UBAC1: variants seen among roughly 807,000 people sequenced by gnomAD.
The protein encoded by UBAC1 is ubiquitin-associated domain-containing protein 1.
UBAC1 carries 27 observed loss-of-function variants against 45.9 expected under a neutral mutation model. The observed-to-expected ratio is 0.59, with a 90% confidence interval of 0.43 to 0.81. The LOEUF (loss-of-function observed/expected upper bound fraction) is 0.81. Ranked by LOEUF, UBAC1 falls within the 30% of genes least tolerant of loss-of-function variation. The pLI is 0.00. For synonymous variants in UBAC1, 227 were observed against 215.5 expected (o/e 1.05, Z -0.47); for missense variants, 529 against 539.2 (o/e 0.98, Z 0.19).
At chr9:135,947,500 G>A (rs141238198) in intron 4 of UBAC1, 221 of 302,368 alleles carry the variant, frequency 7.3e-4, no homozygotes, top group Admixed American at 3.9e-3. Context: ...TGATCCACCC[G>A]CTTCGGGTTC....
chr9:135,949,877 C>T (rs774357275), intron 3 of UBAC1, among the ~76,000 whole-genome samples: 8 of 152,238 alleles, frequency 5.3e-5, no homozygotes, highest in Non-Finnish European at 1.2e-4. Flanking sequence ...ACTAATCAGG[C>T]AGGTCCTTAA....
At chr9:135,944,048 G>A (rs1001058727) in intron 7 of UBAC1, among the ~76,000 whole-genome samples, 1 of 152,180 alleles carries the variant, frequency 6.6e-6, no homozygotes, top group African/African-American at 2.4e-5. Context: ...GGGCTGACAC[G>A]TGCAGCAAAC....
intron 7 of UBAC1, 100 bp from the exon 8 acceptor site, chr9:135,939,859 G>T: frequency 2.0e-6 from 2 of 987,520 alleles, no homozygotes; most frequent in East Asian, 2.4e-5. Context: ...CCTAGCGGAG[G>T]GTGCTCCCAA....
intron 9 of UBAC1, among the ~76,000 whole-genome samples, chr9:135,937,472 C>T (rs1221316703): frequency 6.8e-6 from 1 of 146,964 alleles, no homozygotes; most frequent in Non-Finnish European, 1.5e-5. Context: ...TCAGGAGTGG[C>T]ACCACATGTA....
chr9:135,953,067 C>G (rs558475268), intron 3 of UBAC1, among the ~76,000 whole-genome samples: 1 of 152,096 alleles, frequency 6.6e-6, no homozygotes, highest in Non-Finnish European at 1.5e-5. Flanking sequence ...CAGGTGAAGG[C>G]GGACAGCAGC....
At chr9:135,939,626 A>T in intron 8 of UBAC1, 47 bp downstream of exon 8, 1 of 1,558,930 alleles carries the variant, frequency 6.4e-7, no homozygotes, top group East Asian at 2.3e-5. Flanking sequence ...CACAGCCCAC[A>T]CTCACTCACC....
chr9:135,956,651 C>G (rs1221485356), intron 1 of UBAC1, among the ~76,000 whole-genome samples: 1 of 152,128 alleles, frequency 6.6e-6, no homozygotes, highest in Non-Finnish European at 1.5e-5. Flanking sequence ...CCCACCTAAC[C>G]AAATATGGCG....
At position 135,933,242 on chromosome 9, in the gene UBAC1, T is replaced by C; in HGVS notation, c.*158A>G. ...CTTACACACTACCGTCACCAAAGTT[T>C]ATAAGCAATAAGATCAGAGAGCAGG... On this transcript the variant is annotated 3_prime_UTR_variant, in exon 10 of 10. Transcript: ENST00000371756. The C allele has an allele frequency of 1.6e-6, 1 of 620,992 alleles. No homozygotes were observed. The allele number at this position is 620,992 out of a possible 1,614,324, so 38.5% of individuals were successfully genotyped here.
At chr9:135,951,110 A>G (rs1421487797) in intron 3 of UBAC1, among the ~76,000 whole-genome samples, 1 of 151,882 alleles carries the variant, frequency 6.6e-6, no homozygotes, top group East Asian at 2.0e-4. Context: ...AGCCTAACTA[A>G]CTTTTTATAT....
chr9:135,949,288 G>A (rs1349726166), intron 3 of UBAC1, among the ~76,000 whole-genome samples: 3 of 152,098 alleles, frequency 2.0e-5, no homozygotes, highest in Non-Finnish European at 4.4e-5. Context: ...CAGAAAACAC[G>A]CCTACCAGCC....
intron 9 of UBAC1, among the ~76,000 whole-genome samples, chr9:135,934,764 C>T (rs2131078547): frequency 1.3e-5 from 2 of 152,336 alleles, no homozygotes; most frequent in East Asian, 3.9e-4. Flanking sequence ...TTCCCATTTC[C>T]TCTCAATAAA....
chr9:135,938,722 G>C (rs1394408607), intron 8 of UBAC1, among the ~76,000 whole-genome samples: 1 of 152,058 alleles, frequency 6.6e-6, no homozygotes, highest in African/African-American at 2.4e-5. Context: ...TCCTGTTATG[G>C]GCAGTCAGCA....
intron 9 of UBAC1, among the ~76,000 whole-genome samples, chr9:135,933,785 C>A (rs981036787): frequency 6.6e-6 from 1 of 152,198 alleles, no homozygotes; most frequent in East Asian, 1.9e-4. Flanking sequence ...GGCACCCCCA[C>A]TCTCGGCAGC....
intron 6 of UBAC1, 131 bp from the exon 7 acceptor site, chr9:135,945,381 A>C: frequency 1.3e-6 from 1 of 784,284 alleles, no homozygotes; most frequent in Non-Finnish European, 1.9e-6. Flanking sequence ...CCTTATAACA[A>C]GAACCTGAAT....
In UBAC1 at chr9:135,946,307, A is replaced by G. The variant is rs968727472; in HGVS notation, c.506T>C (p.Leu169Pro). The G allele has an allele frequency of 6.2e-7, 1 of 1,613,864 alleles. No individual in the cohort carries two copies. The highest frequency in any genetic ancestry group is 1.3e-5 in the African/African-American group (1 of 74,944). The change falls in exon 5 of 10, where the codon CTG becomes CCG. Residue 169 changes from leucine (L) to proline (P), a missense_variant. Coordinates refer to ENST00000371756, the MANE Select transcript of UBAC1 (RefSeq NM_016172.3). ...AAACAATTCCACTGCATCTGGGTTC[A>G]GCGCTAACAGCTTCTGCGCCACCTC... is the stretch of plus-strand genomic sequence containing the variant. ...LIEVAQKLLALNPDAVELFKK... is the reference protein window; with the variant it reads ...LIEVAQKLLAPNPDAVELFKK...
At chr9:135,950,936 T>C (rs1031404858) in intron 3 of UBAC1, among the ~76,000 whole-genome samples, 1 of 151,834 alleles carries the variant, frequency 6.6e-6, no homozygotes, top group Non-Finnish European at 1.5e-5. Flanking sequence ...CTACAAAAAA[T>C]ACAAAAATTA....
chr9:135,933,832 C>T (rs1839175022), intron 9 of UBAC1, among the ~76,000 whole-genome samples: 1 of 152,126 alleles, frequency 6.6e-6, no homozygotes, highest in South Asian at 2.1e-4. Context: ...ATCATCTTCC[C>T]CAACAACTCC....
rs374885055 is a variant in UBAC1, at chr9:135,945,014, C to T, written c.876+14G>A. On this transcript the variant is annotated intron_variant, in intron 7 of 9. Coordinates refer to ENST00000371756, the MANE Select transcript of UBAC1 (RefSeq NM_016172.3). ...ACAGCGACTCTGCCTGGCGACAGGT[C>T]TAGTAACACATACCCGAGCATCAGC... 6.2e-7 allele frequency: 1 copy of T among 1,610,530 alleles called. No homozygotes were observed. The highest frequency in any genetic ancestry group is 1.3e-5 in the African/African-American group (1 of 74,850).
chr9:135,955,265 T>A (rs1839453450), intron 2 of UBAC1, 30 bp downstream of exon 2: 1 of 1,526,876 alleles, frequency 6.5e-7, no homozygotes, highest in Non-Finnish European at 8.8e-7. Context: ...CGATGCCTGC[T>A]GCCAACCCGC....
Sources: gnomAD v4.1 joint callset for allele counts (sites outside exome capture counted in the v4.1 genomes callset) on GRCh38, gnomAD v4.1.1 for gene constraint, MANE v1.5 for transcripts, NCBI Gene and HGNC (gene_info 2026-07-23, HGNC 2026-07-21) for gene names.